Variants in CDH13 observed in about 807,000 individuals in gnomAD.
CDH13 encodes the protein cadherin-13.
CDH13 carries 24 observed loss-of-function variants against 63.8 expected under a neutral mutation model. That is an observed-to-expected ratio of 0.38 (90% CI 0.27 to 0.53). The LOEUF (loss-of-function observed/expected upper bound fraction) is 0.53. Among genes scored for constraint, CDH13 ranks in the 20% least tolerant of loss-of-function variants. The pLI is 0.85. For missense variants in CDH13, 1,049 were observed against 903.1 expected (o/e 1.16, Z -2.07); for synonymous variants, 503 against 355.3 (o/e 1.42, Z -4.67).
At chr16:82,832,673 A>G (rs972119535) in intron 1 of CDH13, among the ~76,000 whole-genome samples, 20 of 152,190 alleles carry the variant, frequency 1.3e-4, no homozygotes, top group Non-Finnish European at 2.6e-4. Flanking sequence ...AACAAAATAT[A>G]GCAACGATAT....
intron 1 of CDH13, among the ~76,000 whole-genome samples, chr16:82,689,405 A>G (rs1419864777): frequency 3.3e-5 from 5 of 152,172 alleles, no homozygotes; most frequent in Non-Finnish European, 2.9e-5. Flanking sequence ...TATTAAGACT[A>G]TCATTATCAT....
intron 2 of CDH13, among the ~76,000 whole-genome samples, chr16:82,885,420 A>C: frequency 6.7e-6 from 1 of 149,982 alleles, no homozygotes; most frequent in African/African-American, 2.5e-5. Context: ...CCACCCATCT[A>C]TATACACCTC....
At chr16:83,731,733 C>G (rs1487363961) in intron 10 of CDH13, among the ~76,000 whole-genome samples, 1 of 152,044 alleles carries the variant, frequency 6.6e-6, no homozygotes, top group Non-Finnish European at 1.5e-5. Context: ...TAGGTTTTTT[C>G]CAGCTGGATT....
intron 5 of CDH13, among the ~76,000 whole-genome samples, chr16:83,342,976 G>T (rs2090761103): frequency 6.8e-6 from 1 of 146,814 alleles, no homozygotes; most frequent in Admixed American, 7.0e-5. Context: ...TCCTTTGTTA[G>T]CAGTATTCTC....
intron 6 of CDH13, among the ~76,000 whole-genome samples, chr16:83,350,758 C>G (rs893139112): frequency 3.9e-5 from 6 of 152,146 alleles, no homozygotes; most frequent in Non-Finnish European, 8.8e-5. Context: ...AGGCTCATCT[C>G]GGGAGGGGCC....
chr16:83,075,933 C>T (rs1181885360), intron 3 of CDH13, among the ~76,000 whole-genome samples: 2 of 152,116 alleles, frequency 1.3e-5, no homozygotes, highest in Non-Finnish European at 2.9e-5. Context: ...CTACATTATA[C>T]CTTTAAGTGG....
intron 7 of CDH13, among the ~76,000 whole-genome samples, chr16:83,509,020 T>G (rs147894005): frequency 5.7e-4 from 87 of 152,332 alleles, no homozygotes; most frequent in Admixed American, 1.2e-3. Flanking sequence ...CTGCATAGCA[T>G]GCACACATCA....
At chr16:83,244,922 A>G (rs1375334437) in intron 5 of CDH13, among the ~76,000 whole-genome samples, 3 of 152,110 alleles carry the variant, frequency 2.0e-5, no homozygotes, top group African/African-American at 7.2e-5. Flanking sequence ...TGACCTCCAG[A>G]AGGAAAAACG....
chr16:83,512,409 G>A (rs2074593376), intron 7 of CDH13, among the ~76,000 whole-genome samples: 1 of 150,362 alleles, frequency 6.7e-6, no homozygotes, highest in Admixed American at 6.6e-5. Context: ...GGTGGCTCAT[G>A]CCTGTAATCC....
At chr16:82,869,597 T>C (rs1393690549) in intron 2 of CDH13, among the ~76,000 whole-genome samples, 2 of 152,174 alleles carry the variant, frequency 1.3e-5, no homozygotes, top group South Asian at 4.1e-4. Flanking sequence ...TACAAAGCTA[T>C]AGTAACTAAA....
At chr16:82,664,444 C>T (rs994179084) in intron 1 of CDH13, among the ~76,000 whole-genome samples, 2 of 152,302 alleles carry the variant, frequency 1.3e-5, no homozygotes, top group African/African-American at 4.8e-5. Flanking sequence ...AGTGGGGGCT[C>T]AGTTGCTTGG....
At chr16:83,250,454 G>T (rs542270348) in intron 5 of CDH13, among the ~76,000 whole-genome samples, 1 of 152,176 alleles carries the variant, frequency 6.6e-6, no homozygotes, top group Non-Finnish European at 1.5e-5. Context: ...GAGCCCTAGG[G>T]AAAGGAAGTG....
intron 10 of CDH13, among the ~76,000 whole-genome samples, chr16:83,697,335 G>A (rs1353808410): frequency 6.6e-6 from 1 of 152,150 alleles, no homozygotes; most frequent in Non-Finnish European, 1.5e-5. Context: ...TTAGTGCCGT[G>A]ATTTTTATTT....
At chr16:83,159,226 A>C (rs2037345074) in intron 4 of CDH13, among the ~76,000 whole-genome samples, 2 of 152,130 alleles carry the variant, frequency 1.3e-5, no homozygotes, top group South Asian at 4.1e-4. Context: ...CAGTCTGCTG[A>C]TTCTATATCT....
intron 7 of CDH13, among the ~76,000 whole-genome samples, chr16:83,515,846 C>G (rs1837320236): frequency 6.6e-6 from 1 of 151,832 alleles, no homozygotes; most frequent in Admixed American, 6.6e-5. Context: ...ATGTGTCCTG[C>G]CACATTAAAA....
rs75698311 is a variant in CDH13, at chr16:83,470,312, C to G, written c.782-16165C>G. ...GCTCAAACAATCCTTCCGCCTCAGT[C>G]TCCCAAACTGCTGGGATTACAGATG... On this transcript the variant is annotated intron_variant, in intron 6 of 13. Transcript: ENST00000567109. Among the ~76,000 whole-genome samples the G allele has an allele frequency of 2.5e-3, 381 of 152,304 alleles. 11 individuals carry two copies. In the East Asian group the frequency reaches 0.054, roughly 22 times the overall value.
At chr16:83,135,818 A>G (rs913669230) in intron 4 of CDH13, among the ~76,000 whole-genome samples, 2 of 152,240 alleles carry the variant, frequency 1.3e-5, no homozygotes, top group African/African-American at 4.8e-5. Flanking sequence ...ACATATGTAT[A>G]TATGATGGAA....
intron 5 of CDH13, among the ~76,000 whole-genome samples, chr16:83,285,888 A>G (rs184458408): frequency 2.7e-4 from 41 of 152,370 alleles, no homozygotes; most frequent in Middle Eastern, 3.4e-3. Context: ...GTGGCCAGGC[A>G]TCACAGAGAA....
chr16:83,402,975 C>T (rs539752940), intron 6 of CDH13, among the ~76,000 whole-genome samples: 7 of 152,168 alleles, frequency 4.6e-5, no homozygotes, highest in Admixed American at 2.6e-4. Context: ...TTCAGGAGGA[C>T]GCTGCTTCTT....
Sources: gnomAD v4.1 joint callset for allele counts (sites outside exome capture counted in the v4.1 genomes callset) on GRCh38, gnomAD v4.1.1 for gene constraint, MANE v1.5 for transcripts, NCBI Gene and HGNC (gene_info 2026-07-23, HGNC 2026-07-21) for gene names.